The following APLP1 variants were observed in gnomAD, a reference collection of about 807,000 sequenced individuals.
APLP1 encodes amyloid beta (A4) precursor-like protein 1.
A neutral mutation model predicts 84.5 loss-of-function variants in APLP1; 46 were observed. The observed-to-expected ratio is 0.54, with a 90% CI of 0.43 to 0.70. The LOEUF (loss-of-function observed/expected upper bound fraction) is 0.70, where lower values mean the gene tolerates loss of function less well. Ranked by LOEUF, APLP1 falls within the 30% of genes least tolerant of loss-of-function variation. The pLI is 0.00. For missense variants in APLP1, 826 were observed against 900.2 expected (o/e 0.92, Z 1.05); for synonymous variants, 376 against 364.0 (o/e 1.03, Z -0.38).
In APLP1 at chr19:35,871,262, G is replaced by A; in HGVS notation, c.450G>A (p.Leu150=). 6.2e-7 allele frequency: 1 copy of A among 1,613,642 alleles called. No individual in the cohort carries two copies. The highest frequency in any genetic ancestry group is 8.5e-7 in the Non-Finnish European group (1 of 1,179,846). Residue 150 remains leucine (L), a synonymous_variant, in exon 4 of 17, where the codon CTG becomes CTA. Transcript: ENST00000221891. ...CTGGTGAATTTGTGAGTGAGGCCCTGCTGGTGCCTGAAGGCTGCCGGTTCT... is the reference window on the plus strand; with the variant it reads ...CTGGTGAATTTGTGAGTGAGGCCCTACTGGTGCCTGAAGGCTGCCGGTTCT... The part of the protein sequence containing the change: ...CLPGEFVSEA[L]LVPEGCRFLH...
intron 16 of APLP1, 46 bp from the exon 17 acceptor site, chr19:35,879,297 C>T (rs761443070): frequency 1.2e-6 from 2 of 1,610,324 alleles, no homozygotes; most frequent in East Asian, 2.2e-5. Context: ...TGCGGGCAGT[C>T]CCGCCCCCGC....
chr19:35,870,841 G>T, intron 2 of APLP1, 55 bp from the exon 3 acceptor site: 1 of 1,567,068 alleles, frequency 6.4e-7, no homozygotes, highest in Non-Finnish European at 8.6e-7. Context: ...TACTGGAGAG[G>T]GGTGGCTGGC....
Position 35,869,915 on chromosome 19 carries a change from C to A in APLP1, c.291+105C>A, listed in dbSNP as rs181414080. ...GATCTAAGGCGTGGAGGCTGGGGGGCGTGGCCAATAAAGAGGCGCAACTAT... is the reference window on the plus strand; with the variant it reads ...GATCTAAGGCGTGGAGGCTGGGGGGAGTGGCCAATAAAGAGGCGCAACTAT... On this transcript the variant is annotated intron_variant, in intron 2 of 16. Coordinates refer to ENST00000221891, the MANE Select transcript of APLP1 (RefSeq NM_001024807.3). The A allele has an allele frequency of 3.5e-5, 50 of 1,428,036 alleles. 1 individual carries two copies. The African/African-American group carries it at 6.8e-4, about 20-fold the overall frequency. 88.5% of individuals were successfully genotyped at this position (1,428,036 alleles called of 1,614,324 possible).
At chr19:35,876,755 T>C (rs1974289952) in intron 11 of APLP1, 139 bp downstream of exon 11, 2 of 732,538 alleles carry the variant, frequency 2.7e-6, no homozygotes, top group Non-Finnish European at 4.3e-6. Context: ...ACAATGATTT[T>C]TCTTTGTTCA....
chr19:35,871,493 T>G (rs1974146192), intron 4 of APLP1, 119 bp from the exon 5 acceptor site: 8 of 1,428,258 alleles, frequency 5.6e-6, no homozygotes, highest in Middle Eastern at 2.4e-4. Flanking sequence ...CCCAACCCCT[T>G]CCTCTAGAAG....
intron 13 of APLP1, 31 bp downstream of exon 13, chr19:35,878,139 A>G: frequency 6.2e-7 from 1 of 1,606,300 alleles, no homozygotes. Flanking sequence ...CCCAGCCTCC[A>G]AATCCCACTG....
chr19:35,868,986 G>C lies in APLP1; in HGVS notation c.147+203G>C, dbSNP rs2146897912. On this transcript the variant is annotated intron_variant, in intron 1 of 16. Transcript: ENST00000221891. This position sits in a 1 kb window ranked among gnomAD's most constrained non-coding sequence, Gnocchi z 5.2. Reference sequence around the variant, plus strand: ...ACGTCCCAGCCCCCTCCCATCTCGAGCATAGGAACTGGTCTATTCAGAGCC... The same window carrying C: ...ACGTCCCAGCCCCCTCCCATCTCGACCATAGGAACTGGTCTATTCAGAGCC... 2.6e-6 allele frequency: 1 copy of C among 390,558 alleles called. No individual in the cohort carries two copies. The highest frequency in any genetic ancestry group is 9.3e-5 in the South Asian group (1 of 10,746). The allele number at this position is 390,558 out of a possible 1,614,324, so 24.2% of individuals were successfully genotyped here.
chr19:35,870,822 G>C, intron 2 of APLP1, 74 bp from the exon 3 acceptor site: 1 of 1,518,236 alleles, frequency 6.6e-7, no homozygotes, highest in Non-Finnish European at 8.8e-7. Context: ...AAGAGAAAAG[G>C]GACCTGACTA....
chr19:35,868,682 G>T lies in APLP1; in HGVS notation c.46G>T (p.Gly16Cys). The T allele has an allele frequency of 4.3e-6, 6 of 1,407,674 alleles. No homozygotes were observed. Among genetic ancestry groups the T allele is most frequent in the Non-Finnish European group, 5.5e-6 (6 of 1,084,828 alleles). 87.2% of individuals were successfully genotyped at this position (1,407,674 alleles called of 1,614,324 possible). A position where few individuals can be genotyped will look rare whatever the true frequency, so the allele number is the denominator to read the frequency against. Residue 16 changes from glycine to cysteine, a missense_variant, in exon 1 of 17, where the codon GGC becomes TGC. Around this residue, in one of 3 missense-constraint regions of APLP1, gnomAD observed 383 missense variants for 378.3 expected, o/e 1.01. Transcript: ENST00000221891. The surrounding 1 kb of genome is among the most constrained non-coding windows in gnomAD (Gnocchi z 5.2). ...PAARGLSRRPGQPPLPLLLPL... is the reference protein window; with the variant it reads ...PAARGLSRRPCQPPLPLLLPL... ...TGCTCGCGGTCTAAGTCGCCGCCCG[G>T]GCCAGCCGCCGCTGCCGCTGCTGCT...
At chr19:35,872,383 A>G in intron 6 of APLP1, 100 bp from the exon 7 acceptor site, 4 of 1,498,062 alleles carry the variant, frequency 2.7e-6, no homozygotes, top group Non-Finnish European at 3.6e-6. Context: ...AACTGGGTGC[A>G]TGATGGTCTC....
chr19:35,868,623 G>GC lies in APLP1; in HGVS notation c.-13dup. Reference sequence around the variant, plus strand: ...GCGGGAGTGCAGGGGACGTGAGGGCGCAAGGGCCGGGACATGGGGCCCGCC... The same window carrying GC: ...GCGGGAGTGCAGGGGACGTGAGGGCGCCAAGGGCCGGGACATGGGGCCCGCC... On this transcript the variant is annotated 5_prime_UTR_variant, in exon 1 of 17. Transcript: ENST00000221891. The surrounding 1 kb of genome is among the most constrained non-coding windows in gnomAD (Gnocchi z 5.2). The GC allele has an allele frequency of 7.6e-7, 1 of 1,314,844 alleles. No individual in the cohort carries two copies. The highest frequency in any genetic ancestry group is 9.7e-7 in the Non-Finnish European group (1 of 1,035,204). The allele number at this position is 1,314,844 out of a possible 1,614,324, so 81.4% of individuals were successfully genotyped here. A position where few individuals can be genotyped will look rare whatever the true frequency, so the allele number is the denominator to read the frequency against.
chr19:35,878,720 A>G, intron 14 of APLP1, 66 bp downstream of exon 14: 2 of 1,585,322 alleles, frequency 1.3e-6, no homozygotes, highest in Admixed American at 3.4e-5. Context: ...GCTGGGTACG[A>G]GGGAGGAGAT....
intron 7 of APLP1, among the ~76,000 whole-genome samples, chr19:35,873,100 T>A (rs1284423213): frequency 2.0e-5 from 3 of 151,592 alleles, no homozygotes; most frequent in East Asian, 3.9e-4. Flanking sequence ...CGGGAGGAGA[T>A]CCACCCGCCT....
chr19:35,874,547 G>A lies in APLP1; in HGVS notation c.1100G>A (p.Gly367Asp). ...CAGACTCTGGAGGAGCAGGTGTCTG[G>A]TGAGCGACAGCGCCTGGTGGAAACC... ...ILQTLEEQVS[G>D]ERQRLVETHA... Residue 367 changes from glycine (G) to aspartate (D), a missense_variant, in exon 9 of 17, where the codon GGT (glycine) becomes GAT (aspartate). Physicochemically the swap from Gly to Asp is moderately conservative, Grantham distance 94. Transcript: ENST00000221891. The surrounding 1 kb of genome is among the most constrained non-coding windows in gnomAD (Gnocchi z 6.4). The A allele has an allele frequency of 6.2e-7, 1 of 1,614,158 alleles. No homozygotes were observed. The highest frequency in any genetic ancestry group is 1.1e-5 in the South Asian group (1 of 91,080).
chr19:35,879,381 C>G lies in APLP1; in HGVS notation c.1896C>G (p.Arg632=). The part of the protein sequence containing the change: ...PMLTLEEQQL[R]ELQRHGYENP... ...TGACCCTGGAGGAGCAGCAGCTCCG[C>G]GAACTGCAGCGGCACGGCTATGAGA... The change falls in exon 17 of 17, where the codon CGC becomes CGG. Residue 632 remains arginine (R), a synonymous_variant. Transcript: ENST00000221891. 6.2e-7 allele frequency: 1 copy of G among 1,613,962 alleles called. No individual in the cohort carries two copies. Among genetic ancestry groups the G allele is most frequent in the African/African-American group, 1.3e-5 (1 of 75,006 alleles).
chr19:35,876,727 C>T lies in APLP1; in HGVS notation c.1444+111C>T, dbSNP rs569578688. Reference sequence around the variant, plus strand: ...ATTCCTCTATAACAAACAGCCCAGACCTTAGCAGTGAAAATCAACAATGAT... The same window carrying T: ...ATTCCTCTATAACAAACAGCCCAGATCTTAGCAGTGAAAATCAACAATGAT... On this transcript the variant is annotated intron_variant, in intron 11 of 16. Transcript: ENST00000221891. 3 of 823,602 alleles carry T rather than the reference C, an allele frequency of 3.6e-6. No homozygotes were observed. In the African/African-American group the frequency reaches 5.3e-5, roughly 15 times the overall value. 51.0% of individuals were successfully genotyped at this position (823,602 alleles called of 1,614,324 possible).
Position 35,872,587 on chromosome 19 carries a change from G to A in APLP1, c.955G>A (p.Glu319Lys), listed in dbSNP as rs779755853. The A allele has an allele frequency of 2.5e-6, 4 of 1,613,794 alleles. No homozygotes were observed. The African/African-American group carries it at 4.0e-5, about 16-fold the overall frequency. The change falls in exon 7 of 17, where the codon GAG becomes AAG. Residue 319 changes from glutamate (E) to lysine (K), a missense_variant. By Grantham distance (56) the Glu-to-Lys change is moderately conservative (BLOSUM62 1). Coordinates refer to ENST00000221891, the MANE Select transcript of APLP1 (RefSeq NM_001024807.3). ...CCTGAGGGCCAAGATGGACCTGGAG[G>A]AGCGTAGGATGCGCCAGATTAATGA... Reference protein sequence around the residue: ...GFLRAKMDLEERRMRQINEVM... With the variant: ...GFLRAKMDLEKRRMRQINEVM...
In APLP1 at chr19:35,874,662, G is replaced by A. The variant is rs1974237088; in HGVS notation, c.1215G>A (p.Gln405=). The change falls in exon 9 of 17, where the codon CAG becomes CAA. Residue 405 remains glutamine (Q), a splice_region_variant and synonymous_variant. Transcript: ENST00000221891. This position sits in a 1 kb window ranked among gnomAD's most constrained non-coding sequence, Gnocchi z 6.4. ...CAGCCCTGCAGGCAGATCCGCCTCA[G>A]GTGCGGGGACCGTGGGGGCAGAGAG... The part of the protein sequence containing the change: ...FLAALQADPP[Q]AERVLLALRR... 1.2e-6 allele frequency: 2 copies of A among 1,613,572 alleles called. No individual in the cohort carries two copies. The highest frequency in any genetic ancestry group is 1.7e-6 in the Non-Finnish European group (2 of 1,179,916).
chr19:35,879,089 G>A lies in APLP1; in HGVS notation c.1729G>A (p.Gly577Arg), dbSNP rs1339169667. The change falls in exon 16 of 17, where the codon GGG (glycine) becomes AGG (arginine). Residue 577 changes from glycine to arginine, a missense_variant. Gly to Arg is a moderately radical substitution (Grantham distance 125). Around this residue, in one of 3 missense-constraint regions of APLP1, gnomAD observed 433 missense variants for 496.5 expected, o/e 0.87. Coordinates refer to ENST00000221891, the MANE Select transcript of APLP1 (RefSeq NM_001024807.3). ...QRDELAPAGTGVSREAVSGLL... is the reference protein window; with the variant it reads ...QRDELAPAGTRVSREAVSGLL... ...CTCCCTGCAGGCACCAGCTGGGACAGGGGTGTCCCGTGAGGCTGTGTCGGG... is the reference window on the plus strand; with the variant it reads ...CTCCCTGCAGGCACCAGCTGGGACAAGGGTGTCCCGTGAGGCTGTGTCGGG... 1 of 1,612,184 alleles carries A rather than the reference G, an allele frequency of 6.2e-7. No homozygotes were observed.
Sources: allele counts gnomAD v4.1 joint callset (sites outside exome capture counted in the v4.1 genomes callset), GRCh38; gene constraint gnomAD v4.1.1; regional missense constraint gnomAD v4.1.1; non-coding constraint Gnocchi (gnomAD v3.1); transcripts MANE v1.5; gene names NCBI Gene and HGNC (gene_info 2026-07-23, HGNC 2026-07-21).